Variants in ADAM22 observed in about 807,000 individuals in gnomAD.
ADAM22 encodes the protein ADAM metallopeptidase domain 22.
ADAM22 carries 65 observed loss-of-function variants against 144.6 expected under a neutral mutation model. The ratio of observed to expected loss-of-function variants is 0.45; its 90% CI spans 0.37 to 0.55. The LOEUF (loss-of-function observed/expected upper bound fraction) is 0.55, where lower values mean the gene tolerates loss of function less well. ADAM22 is among the 20% of genes least tolerant of loss of function. ADAM22 has a pLI of 0.00. For missense variants in ADAM22, 974 were observed against 1,184.9 expected (o/e 0.82, Z 2.61); for synonymous variants, 391 against 412.6 (o/e 0.95, Z 0.63).
chr7:88,141,019 A>G (rs983224356), intron 14 of ADAM22, among the ~76,000 whole-genome samples: 4 of 152,174 alleles, frequency 2.6e-5, no homozygotes, highest in Non-Finnish European at 5.9e-5. Flanking sequence ...AGTGGTGCAG[A>G]TGCAGTGAAT....
intron 9 of ADAM22, 33 bp downstream of exon 9, chr7:88,128,709 T>C: frequency 1.3e-6 from 2 of 1,581,390 alleles, no homozygotes; most frequent in Non-Finnish European, 1.7e-6. Context: ...AGCCTGTTTG[T>C]GCCTAGGGTA....
At position 88,131,359 on chromosome 7, in the gene ADAM22, T is replaced by G. The variant is rs577268197; in HGVS notation, c.916T>G (p.Leu306Val). 1 of 1,613,866 alleles carries G rather than the reference T, an allele frequency of 6.2e-7. No individual in the cohort carries two copies. The highest frequency in any genetic ancestry group is 1.1e-5 in the South Asian group (1 of 91,068). Residue 306 changes from leucine to valine, a missense_variant, in exon 11 of 32, where the codon TTG (leucine) becomes GTG (valine). By Grantham distance (32) the Leu-to-Val change is conservative. Coordinates refer to ENST00000413139, the MANE Select transcript of ADAM22 (RefSeq NM_001324418.2). The stretch of plus-strand genomic sequence containing the variant: ...CAAGTTTGCCATATCTGAAAATCCA[T>G]TGATCACCCTACGTGAGTTTATGAA... Reference protein sequence around the residue: ...DNKFAISENPLITLREFMKYR... With the variant: ...DNKFAISENPVITLREFMKYR...
intron 2 of ADAM22, among the ~76,000 whole-genome samples, chr7:87,953,947 A>G (rs947868030): frequency 8.5e-5 from 13 of 152,110 alleles, no homozygotes; most frequent in Non-Finnish European, 1.3e-4. Flanking sequence ...CTGTTTTATC[A>G]GAGACTAGGA....
At chr7:87,952,455 C>T (rs1171521293) in intron 2 of ADAM22, among the ~76,000 whole-genome samples, 4 of 152,116 alleles carry the variant, frequency 2.6e-5, no homozygotes, top group South Asian at 2.1e-4. Context: ...TATTGATTTG[C>T]ATATATTGAA....
At chr7:87,965,955 T>A (rs1471006337) in intron 2 of ADAM22, among the ~76,000 whole-genome samples, 1 of 152,284 alleles carries the variant, frequency 6.6e-6, no homozygotes, top group Non-Finnish European at 1.5e-5. Context: ...TCCTCTTCTC[T>A]GCTTTTTACC....
At position 88,108,247 on chromosome 7, in the gene ADAM22, C is replaced by T. The variant is rs1258927537; in HGVS notation, c.462C>T (p.Cys154=). The T allele has an allele frequency of 5.0e-6, 8 of 1,613,062 alleles. No individual in the cohort carries two copies. Among genetic ancestry groups the T allele is most frequent in the Non-Finnish European group, 6.8e-6 (8 of 1,179,614 alleles). Residue 154 remains cysteine, a synonymous_variant, in exon 5 of 32, where the codon TGC becomes TGT. Coordinates refer to ENST00000413139, the MANE Select transcript of ADAM22 (RefSeq NM_001324418.2). ...NPDSFVALST[C]HGLHGMFYDG... The stretch of plus-strand genomic sequence containing the variant: ...ACTCATTTGTTGCATTGTCAACATG[C>T]CACGGACTTCAGTAAGTGTTCAAAA...
intron 3 of ADAM22, among the ~76,000 whole-genome samples, chr7:87,991,361 T>A (rs972840189): frequency 1.5e-4 from 21 of 140,570 alleles, no homozygotes; most frequent in Admixed American, 4.3e-4. Context: ...TATTTTTTTT[T>A]TTTTTTTTTT....
At chr7:88,077,414 G>A (rs1431688303) in intron 4 of ADAM22, among the ~76,000 whole-genome samples, 1 of 152,214 alleles carries the variant, frequency 6.6e-6, no homozygotes, top group African/African-American at 2.4e-5. Flanking sequence ...CTCCCAGCGT[G>A]AGCGATGCAG....
At chr7:88,107,342 C>T (rs1468986532) in intron 4 of ADAM22, among the ~76,000 whole-genome samples, 3 of 148,674 alleles carry the variant, frequency 2.0e-5, no homozygotes, top group Non-Finnish European at 4.4e-5. Flanking sequence ...ACTGGGATTA[C>T]AGGCATGCAC....
chr7:88,150,539 G>C (rs1340139185), intron 18 of ADAM22, among the ~76,000 whole-genome samples: 1 of 152,084 alleles, frequency 6.6e-6, no homozygotes, highest in South Asian at 2.1e-4. Flanking sequence ...CAAAAGAAAG[G>C]AAACTAGTTA....
chr7:88,077,105 C>G (rs1047222027), intron 4 of ADAM22, among the ~76,000 whole-genome samples: 2 of 152,108 alleles, frequency 1.3e-5, no homozygotes, highest in Non-Finnish European at 2.9e-5. Context: ...CTGCTTGCTT[C>G]TGTATCATTT....
At chr7:88,050,596 T>A (rs1438409131) in intron 3 of ADAM22, among the ~76,000 whole-genome samples, 1 of 152,178 alleles carries the variant, frequency 6.6e-6, no homozygotes, top group African/African-American at 2.4e-5. Context: ...TGATTTGCAT[T>A]CTCTGATGGC....
intron 31 of ADAM22, among the ~76,000 whole-genome samples, chr7:88,195,408 G>C (rs561146163): frequency 2.6e-5 from 4 of 152,198 alleles, no homozygotes; most frequent in African/African-American, 9.7e-5. Flanking sequence ...CATGGCAAAA[G>C]CAAGGAGAGG....
At chr7:88,014,270 A>G (rs1257930685) in intron 3 of ADAM22, among the ~76,000 whole-genome samples, 2 of 152,318 alleles carry the variant, frequency 1.3e-5, no homozygotes, top group East Asian at 1.9e-4. Context: ...AGGGCAGGAC[A>G]GAGTCTTTCT....
At chr7:88,171,483 G>A in intron 25 of ADAM22, 61 bp from the exon 26 acceptor site, 1 of 1,477,898 alleles carries the variant, frequency 6.8e-7, no homozygotes, top group South Asian at 1.3e-5. Flanking sequence ...CCCTCTTGAT[G>A]TCCTTCCAGA....
intron 3 of ADAM22, among the ~76,000 whole-genome samples, chr7:88,020,662 C>T (rs989305527): frequency 3.3e-5 from 5 of 152,254 alleles, no homozygotes; most frequent in Admixed American, 1.3e-4. Flanking sequence ...CACTGCATCG[C>T]GGTGGAATAG....
chr7:88,134,167 T>C (rs1022683034), intron 12 of ADAM22, among the ~76,000 whole-genome samples, 162 bp from the exon 13 acceptor site: 1 of 152,192 alleles, frequency 6.6e-6, no homozygotes, highest in Non-Finnish European at 1.5e-5. Flanking sequence ...TTACTACTTT[T>C]TCCCAAATGC....
intron 6 of ADAM22, among the ~76,000 whole-genome samples, chr7:88,115,126 T>A (rs1161333245): frequency 6.6e-6 from 1 of 152,134 alleles, no homozygotes; most frequent in African/African-American, 2.4e-5. Flanking sequence ...GCGCCTGTAA[T>A]CCCAGCTACT....
Position 88,038,698 on chromosome 7 carries a change from C to T in ADAM22, c.324-36928C>T, listed in dbSNP as rs978797249. On this transcript the variant is annotated intron_variant, in intron 3 of 31. Coordinates refer to ENST00000413139, the MANE Select transcript of ADAM22 (RefSeq NM_001324418.2). ...TCGATCTCCTGACCTCGTGATCCGC[C>T]CGTCTCGGCCTCCCAAAGTGCTGGG... Among the ~76,000 whole-genome samples, 9 of 151,908 alleles carry T rather than the reference C, an allele frequency of 5.9e-5. 1 individual carries two copies. Among genetic ancestry groups the T allele is most frequent in the Non-Finnish European group, 1.2e-4 (8 of 67,960 alleles).
Sources: gnomAD v4.1 joint callset for allele counts (sites outside exome capture counted in the v4.1 genomes callset) on GRCh38, gnomAD v4.1.1 for gene constraint, MANE v1.5 for transcripts, NCBI Gene and HGNC (gene_info 2026-07-23, HGNC 2026-07-21) for gene names.